TENT5A: variants seen among roughly 807,000 people sequenced by gnomAD.
The protein encoded by TENT5A is HBV X-transactivated gene 11 protein.
A neutral mutation model predicts 30.2 loss-of-function variants in TENT5A; 9 were observed. The observed-to-expected ratio is 0.30, with a 90% confidence interval of 0.18 to 0.52. The LOEUF (loss-of-function observed/expected upper bound fraction) is 0.52, where lower values mean the gene tolerates loss of function less well. TENT5A is among the 20% of genes least tolerant of loss of function. The pLI, the probability that TENT5A is intolerant of heterozygous loss-of-function variation, is 0.97. For missense variants in TENT5A, 411 were observed against 566.1 expected (o/e 0.73, Z 2.78); for synonymous variants, 264 against 234.2 (o/e 1.13, Z -1.16).
chr6:81,749,900 C>T lies in TENT5A; in HGVS notation c.1124G>A (p.Arg375Lys), dbSNP rs753555884. The T allele has an allele frequency of 1.9e-6, 3 of 1,614,162 alleles. No homozygotes were observed. The highest frequency in any genetic ancestry group is 1.7e-6 in the Non-Finnish European group (2 of 1,180,028). ...CATGGTGATAAGGTTTAAAGTCTGT[C>T]TTCTTTCATGTCCCATCAGGCACAC... ...STVCLMGHER[R>K]QTLNLITMLA... The change falls in exon 3 of 3, where the codon AGA (arginine) becomes AAA (lysine). Residue 375 changes from arginine (R) to lysine (K), a missense_variant. This residue lies in a region of TENT5A where 75 missense variants were observed against 80.9 expected (regional missense o/e 0.93). Coordinates refer to ENST00000320172, the MANE Select transcript of TENT5A (RefSeq NM_017633.3).
At position 81,748,261 on chromosome 6, in the gene TENT5A, CAT is replaced by C. The variant is rs1768926327; in HGVS notation, c.*1432_*1433del. 1.0e-6 allele frequency: 1 copy of C among 984,148 alleles called. No homozygotes were observed. Among genetic ancestry groups the C allele is most frequent in the Non-Finnish European group, 1.2e-6 (1 of 829,446 alleles). The allele number at this position is 984,148 out of a possible 1,614,324, so 61.0% of individuals were successfully genotyped here. On this transcript the variant is annotated 3_prime_UTR_variant, in exon 3 of 3. Coordinates refer to ENST00000320172, the MANE Select transcript of TENT5A (RefSeq NM_017633.3). ...ATCCATGATCCACTAGATTAAACAT[CAT>C]AGAGGAATGCAATTTTTTTTTTAAT...
rs762438703 is a variant in TENT5A, at chr6:81,751,637, A to G, written c.505T>C (p.Leu169=). 1.7e-5 allele frequency: 28 copies of G among 1,613,842 alleles called. No homozygotes were observed. The African/African-American group carries it at 3.1e-4, about 18-fold the overall frequency. Residue 169 remains leucine (L), a synonymous_variant, in exon 2 of 3, where the codon TTA becomes CTA. Transcript: ENST00000320172. ...DVVLDCLLDF[L]PEGVNKEKIT... The stretch of plus-strand genomic sequence containing the variant: ...TTCTCTTTGTTCACCCCCTCGGGTA[A>G]GAAGTCCAACAGGCAGTCCAGCACG...
chr6:81,751,987 C>A lies in TENT5A; in HGVS notation c.155G>T (p.Cys52Phe). The A allele has an allele frequency of 1.9e-6, 3 of 1,552,374 alleles. No homozygotes were observed. The highest frequency in any genetic ancestry group is 2.6e-6 in the Non-Finnish European group (3 of 1,147,156). ...FGGGGSFGGH[C>F]LDYCESPTAH... is the part of the protein sequence containing the mutation. The stretch of plus-strand genomic sequence containing the variant: ...CGTAGGGCTTTCGCAATAGTCCAAG[C>A]AATGCCCACCGAAGCTGCCGCCACC... The change falls in exon 2 of 3, where the codon TGC becomes TTC. Residue 52 changes from cysteine to phenylalanine, a missense_variant. Physicochemically the swap from Cys to Phe is radical, Grantham distance 205. Coordinates refer to ENST00000320172, the MANE Select transcript of TENT5A (RefSeq NM_017633.3).
Position 81,746,737 on chromosome 6 carries a change from G to A in TENT5A, c.*2958C>T. 1 of 1,224,252 alleles carries A rather than the reference G, an allele frequency of 8.2e-7. No homozygotes were observed. The highest frequency in any genetic ancestry group is 1.0e-6 in the Non-Finnish European group (1 of 983,492). The allele number at this position is 1,224,252 out of a possible 1,614,324, so 75.8% of individuals were successfully genotyped here. ...AAACACAAAAGGAAACAAATCACAG[G>A]CGCTAATAGGGAGTCGGGAGCTGTT... On this transcript the variant is annotated 3_prime_UTR_variant, in exon 3 of 3. Transcript: ENST00000320172.
Position 81,748,442 on chromosome 6 carries a change from T to C in TENT5A, c.*1253A>G, listed in dbSNP as rs1581988914. The C allele has an allele frequency of 2.0e-6, 2 of 982,648 alleles. No homozygotes were observed. The highest frequency in any genetic ancestry group is 2.3e-4 in the East Asian group (2 of 8,792). 60.9% of individuals were successfully genotyped at this position (982,648 alleles called of 1,614,324 possible). On this transcript the variant is annotated 3_prime_UTR_variant, in exon 3 of 3. Transcript: ENST00000320172. ...AAAACAGTATAATTTCTGCTCTTCC[T>C]ATGAAATATATTACTTGGTTCCCTC... is the stretch of plus-strand genomic sequence containing the variant.
At position 81,746,245 on chromosome 6, in the gene TENT5A, C is replaced by A; in HGVS notation, c.*3450G>T. On this transcript the variant is annotated 3_prime_UTR_variant, in exon 3 of 3. Transcript: ENST00000320172. Reference sequence around the variant, plus strand: ...TAACACACTTCATCTTCAACAACAACAAAAAAGCTTATTTTTGAACTGACA... The same window carrying A: ...TAACACACTTCATCTTCAACAACAAAAAAAAAGCTTATTTTTGAACTGACA... 8.7e-7 allele frequency: 1 copy of A among 1,151,162 alleles called. No homozygotes were observed. The highest frequency in any genetic ancestry group is 1.1e-6 in the Non-Finnish European group (1 of 938,150). 71.3% of individuals were successfully genotyped at this position (1,151,162 alleles called of 1,614,324 possible). A position where few individuals can be genotyped will look rare whatever the true frequency, so the allele number is the denominator to read the frequency against.
rs923665816 is a variant in TENT5A, at chr6:81,748,683, C to T, written c.*1012G>A. ...CACACATATAATTTATACACACATA[C>T]ACATGTACCTATGATAATATCAGAT... On this transcript the variant is annotated 3_prime_UTR_variant, in exon 3 of 3. Transcript: ENST00000320172. The T allele has an allele frequency of 1.6e-5, 15 of 958,700 alleles. No individual in the cohort carries two copies. The highest frequency in any genetic ancestry group is 1.7e-5 in the Non-Finnish European group (14 of 805,664). 59.4% of individuals were successfully genotyped at this position (958,700 alleles called of 1,614,324 possible). A position where few individuals can be genotyped will look rare whatever the true frequency, so the allele number is the denominator to read the frequency against.
Position 81,750,605 on chromosome 6 carries a change from C to T in TENT5A, c.553-134G>A. The T allele has an allele frequency of 1.7e-6, 1 of 598,964 alleles. No homozygotes were observed. The highest frequency in any genetic ancestry group is 2.8e-6 in the Non-Finnish European group (1 of 356,618). 37.1% of individuals were successfully genotyped at this position (598,964 alleles called of 1,614,324 possible). ...TTGTCAAGTTTCAGCCAAACACTAC[C>T]TACAGGCTTAAACGGTCTTCTGAAA... On this transcript the variant is annotated intron_variant, in intron 2 of 2. Coordinates refer to ENST00000320172, the MANE Select transcript of TENT5A (RefSeq NM_017633.3). The surrounding 1 kb of genome is among the most constrained non-coding windows in gnomAD (Gnocchi z 4.2).
chr6:81,745,876 C>T lies in TENT5A; in HGVS notation c.*3819G>A, dbSNP rs533869725. ...CCATCAACTCCTTTTCTGCCTGTGACGCAGCCTATAGTCAAAATATTCCAA... is the reference window on the plus strand; with the variant it reads ...CCATCAACTCCTTTTCTGCCTGTGATGCAGCCTATAGTCAAAATATTCCAA... On this transcript the variant is annotated 3_prime_UTR_variant, in exon 3 of 3. Coordinates refer to ENST00000320172, the MANE Select transcript of TENT5A (RefSeq NM_017633.3). The T allele has an allele frequency of 1.9e-5, 19 of 985,512 alleles. No individual in the cohort carries two copies. The South Asian group carries it at 6.1e-4, about 32-fold the overall frequency. The allele number at this position is 985,512 out of a possible 1,614,324, so 61.0% of individuals were successfully genotyped here.
Position 81,750,145 on chromosome 6 carries a change from C to T in TENT5A, c.879G>A (p.Leu293=), listed in dbSNP as rs904038292. The T allele has an allele frequency of 2.5e-6, 4 of 1,613,696 alleles. No homozygotes were observed. The highest frequency in any genetic ancestry group is 3.3e-5 in the Admixed American group (2 of 59,970). ...TCACCAAGAGGTTGCAGTACTTAAG[C>T]AGGCCTCCCCCTCGGATTTCCTCTG... ...RNPEEIRGGG[L]LKYCNLLVRG... is the part of the protein sequence containing the mutation. Residue 293 remains leucine (L), a synonymous_variant, in exon 3 of 3, where the codon CTG becomes CTA. Transcript: ENST00000320172. This position sits in a 1 kb window ranked among gnomAD's most constrained non-coding sequence, Gnocchi z 4.2.
At position 81,747,480 on chromosome 6, in the gene TENT5A, C is replaced by T; in HGVS notation, c.*2215G>A. 1.0e-6 allele frequency: 1 copy of T among 985,850 alleles called. No homozygotes were observed. The highest frequency in any genetic ancestry group is 1.2e-6 in the Non-Finnish European group (1 of 829,942). 61.1% of individuals were successfully genotyped at this position (985,850 alleles called of 1,614,324 possible). On this transcript the variant is annotated 3_prime_UTR_variant, in exon 3 of 3. Coordinates refer to ENST00000320172, the MANE Select transcript of TENT5A (RefSeq NM_017633.3). ...CACAAGGAAGCTGCTACAGCAAACC[C>T]ATCAGGTTCCCATTAAGGCTTCAAA...
chr6:81,748,866 G>T lies in TENT5A; in HGVS notation c.*829C>A, dbSNP rs897239327. 8 of 985,272 alleles carry T rather than the reference G, an allele frequency of 8.1e-6. No individual in the cohort carries two copies. The highest frequency in any genetic ancestry group is 1.7e-5 in the African/African-American group (1 of 57,190). The allele number at this position is 985,272 out of a possible 1,614,324, so 61.0% of individuals were successfully genotyped here. The stretch of plus-strand genomic sequence containing the variant: ...TTTTGCCACTTCAAATTTTCAGAAG[G>T]CAACAGGCACTTTGATGTATATTGG... On this transcript the variant is annotated 3_prime_UTR_variant, in exon 3 of 3. Transcript: ENST00000320172.
chr6:81,752,026 C>CGCCGAAGTCGCCGT lies in TENT5A; in HGVS notation c.115_116insACGGCGACTTCGGC (p.Gly39AspfsTer33). Reference sequence around the variant, plus strand: ...GCTGCCGCCACCGCCGAAGTCGCCGCCGCCGAAGTCGCCGCCGCCGAAGTC... The same window carrying CGCCGAAGTCGCCGT: ...GCTGCCGCCACCGCCGAAGTCGCCGCGCCGAAGTCGCCGTCGCCGAAGTCGCCGCCGCCGAAGTC... On this transcript the variant is annotated frameshift_variant, in exon 2 of 3. Transcript: ENST00000320172. LOFTEE classifies it high-confidence loss of function. 1 of 1,519,948 alleles carries CGCCGAAGTCGCCGT rather than the reference C, an allele frequency of 6.6e-7. No homozygotes were observed. The allele number at this position is 1,519,948 out of a possible 1,614,324, so 94.2% of individuals were successfully genotyped here. A position where few individuals can be genotyped will look rare whatever the true frequency, so the allele number is the denominator to read the frequency against.
rs888411186 is a variant in TENT5A at position 81,750,910 on chromosome 6, T to C, written c.553-439A>G. 7.9e-5 allele frequency among the ~76,000 whole-genome samples: 12 copies of C among 152,384 alleles called. No individual in the cohort carries two copies. The East Asian group carries it at 2.1e-3, about 27-fold the overall frequency. On this transcript the variant is annotated intron_variant, in intron 2 of 2. Transcript: ENST00000320172. The surrounding 1 kb of genome is among the most constrained non-coding windows in gnomAD (Gnocchi z 4.2). ...TCCTCTCCGCCTGCGGCAATCAATG[T>C]TATCAGTATCTTGTGTGTCCCTCCA...
chr6:81,747,615 A>T lies in TENT5A; in HGVS notation c.*2080T>A, dbSNP rs1768912522. On this transcript the variant is annotated 3_prime_UTR_variant, in exon 3 of 3. Transcript: ENST00000320172. ...AACAAATTATACTGCCAACAGGAGGATATTTTTTTCTCCCGTGGTCTCTCT... is the reference window on the plus strand; with the variant it reads ...AACAAATTATACTGCCAACAGGAGGTTATTTTTTTCTCCCGTGGTCTCTCT... 1 of 985,566 alleles carries T rather than the reference A, an allele frequency of 1.0e-6. No homozygotes were observed. The highest frequency in any genetic ancestry group is 1.7e-5 in the African/African-American group (1 of 57,238). 61.1% of individuals were successfully genotyped at this position (985,566 alleles called of 1,614,324 possible). A position where few individuals can be genotyped will look rare whatever the true frequency, so the allele number is the denominator to read the frequency against.
Position 81,748,379 on chromosome 6 carries a change from C to T in TENT5A, c.*1316G>A, listed in dbSNP as rs1474955410. On this transcript the variant is annotated 3_prime_UTR_variant, in exon 3 of 3. Transcript: ENST00000320172. ...CTCCCATTTGTGGAATTTTATGGCTCACCAAAGAAAAAAAAAAAAAGAAAA... is the reference window on the plus strand; with the variant it reads ...CTCCCATTTGTGGAATTTTATGGCTTACCAAAGAAAAAAAAAAAAAGAAAA... 4 of 966,334 alleles carry T rather than the reference C, an allele frequency of 4.1e-6. No individual in the cohort carries two copies. The highest frequency in any genetic ancestry group is 1.9e-5 in the African/African-American group (1 of 53,362). The allele number at this position is 966,334 out of a possible 1,614,324, so 59.9% of individuals were successfully genotyped here. A position where few individuals can be genotyped will look rare whatever the true frequency, so the allele number is the denominator to read the frequency against.
At chr6:81,751,529 G>C in intron 2 of TENT5A, 61 bp downstream of exon 2, 1 of 1,451,688 alleles carries the variant, frequency 6.9e-7, no homozygotes, top group South Asian at 1.3e-5. Flanking sequence ...CCCTCTGCCC[G>C]CTCCCCGTCA....
rs78707197 is a variant in TENT5A at position 81,749,317 on chromosome 6, T to C, written c.*378A>G. The C allele has an allele frequency of 0.019, 19,567 of 1,008,912 alleles. 224 individuals carry two copies. Among genetic ancestry groups the C allele is most frequent in the Non-Finnish European group, 0.021 (18,024 of 845,926 alleles). 62.5% of individuals were successfully genotyped at this position (1,008,912 alleles called of 1,614,324 possible). On this transcript the variant is annotated 3_prime_UTR_variant, in exon 3 of 3. Coordinates refer to ENST00000320172, the MANE Select transcript of TENT5A (RefSeq NM_017633.3). ...ATTTTCCCTTTTATGAATTCCATCT[T>C]AAAAGAAACTTTCCACTTTTTTTTT...
Position 81,749,333 on chromosome 6 carries a change from CTT to C in TENT5A, c.*360_*361del. 1 of 919,612 alleles carries C rather than the reference CTT, an allele frequency of 1.1e-6. No homozygotes were observed. The highest frequency in any genetic ancestry group is 1.3e-6 in the Non-Finnish European group (1 of 763,736). 57.0% of individuals were successfully genotyped at this position (919,612 alleles called of 1,614,324 possible). On this transcript the variant is annotated 3_prime_UTR_variant, in exon 3 of 3. Transcript: ENST00000320172. ...ATTCCATCTTAAAAGAAACTTTCCACTTTTTTTTTTCCTATGGCAAAGCTATG... is the reference window on the plus strand; with the variant it reads ...ATTCCATCTTAAAAGAAACTTTCCACTTTTTTTTCCTATGGCAAAGCTATG...
Sources: gnomAD v4.1 joint callset for allele counts (sites outside exome capture counted in the v4.1 genomes callset) on GRCh38, gnomAD v4.1.1 for gene constraint, gnomAD v4.1.1 regional missense constraint, Gnocchi (gnomAD v3.1) non-coding constraint, MANE v1.5 for transcripts, NCBI Gene and HGNC (gene_info 2026-07-23, HGNC 2026-07-21) for gene names.